PCCA: variants seen among roughly 807,000 people sequenced by gnomAD.
PCCA encodes propionyl-CoA carboxylase subunit alpha, also known as propionyl-CoA carboxylase alpha chain, mitochondrial.
A neutral mutation model predicts 101.3 loss-of-function variants in PCCA; 74 were observed. The ratio of observed to expected loss-of-function variants is 0.73; its 90% confidence interval spans 0.61 to 0.89. PCCA has a LOEUF of 0.89. PCCA is among the 40% of genes least tolerant of loss of function. The pLI is 0.00. For missense variants in PCCA, 891 were observed against 907.0 expected (o/e 0.98, Z 0.23); for synonymous variants, 294 against 313.6 (o/e 0.94, Z 0.66).
chr13:100,183,346 T>G (rs958755470), intron 6 of PCCA, among the ~76,000 whole-genome samples: 1 of 152,174 alleles, frequency 6.6e-6, no homozygotes, highest in African/African-American at 2.4e-5. Flanking sequence ...ACCTTGAAAC[T>G]TATCTAATTT....
At chr13:100,450,486 C>G (rs535790923) in intron 21 of PCCA, among the ~76,000 whole-genome samples, 3 of 152,040 alleles carry the variant, frequency 2.0e-5, no homozygotes, top group Admixed American at 6.6e-5. Flanking sequence ...CACCAGATAT[C>G]ATTTCTAATC....
At chr13:100,390,718 C>CA (rs202112541) in intron 19 of PCCA, among the ~76,000 whole-genome samples, 45 of 151,170 alleles carry the variant, frequency 3.0e-4, no homozygotes, top group African/African-American at 5.6e-4. Context: ...CATGTTAAAA[C>CA]AAAAAAAACA....
At chr13:100,521,151 G>A (rs951730316) in intron 22 of PCCA, among the ~76,000 whole-genome samples, 1 of 152,200 alleles carries the variant, frequency 6.6e-6, no homozygotes. Flanking sequence ...GGGCAGCAGG[G>A]AGTCATATTT....
At chr13:100,109,363 G>T (rs944856768) in intron 2 of PCCA, among the ~76,000 whole-genome samples, 1 of 152,148 alleles carries the variant, frequency 6.6e-6, no homozygotes, top group Non-Finnish European at 1.5e-5. Flanking sequence ...AGACTGACTC[G>T]TAATGACCAT....
chr13:100,246,332 T>C (rs931786061), intron 8 of PCCA, among the ~76,000 whole-genome samples: 1 of 152,180 alleles, frequency 6.6e-6, no homozygotes, highest in Non-Finnish European at 1.5e-5. Flanking sequence ...TTTTTTGAGA[T>C]AGAGTCTTGC....
At chr13:100,254,663 C>T (rs1013171311) in intron 8 of PCCA, among the ~76,000 whole-genome samples, 1 of 152,114 alleles carries the variant, frequency 6.6e-6, no homozygotes, top group Non-Finnish European at 1.5e-5. Flanking sequence ...CTTCAGATTT[C>T]TAAGTATTGT....
intron 7 of PCCA, among the ~76,000 whole-genome samples, chr13:100,234,097 A>G (rs1346844822): frequency 6.6e-6 from 1 of 152,198 alleles, no homozygotes; most frequent in East Asian, 1.9e-4. Flanking sequence ...TAGGTTTATT[A>G]TAATCCAGTC....
intron 4 of PCCA, among the ~76,000 whole-genome samples, chr13:100,114,689 A>C (rs559139944): frequency 6.6e-6 from 1 of 152,234 alleles, no homozygotes; most frequent in African/African-American, 2.4e-5. Context: ...GGTGCTCGAC[A>C]TTACTGATCA....
At chr13:100,306,913 G>A (rs1051028738) in intron 14 of PCCA, among the ~76,000 whole-genome samples, 1 of 152,196 alleles carries the variant, frequency 6.6e-6, no homozygotes, top group African/African-American at 2.4e-5. Flanking sequence ...CACCATCAGA[G>A]AGCCACAGCA....
Position 100,527,734 on chromosome 13 carries a change from A to G in PCCA, c.2100A>G (p.Thr700=), listed in dbSNP as rs141926030. ...CCATGAAAATGCAGAATAGTATGAC[A>G]GCTGGGAAAACTGGCACGGTGAGTC... is the stretch of plus-strand genomic sequence containing the variant. ...IEAMKMQNSM[T]AGKTGTVKSV... is the part of the protein sequence containing the mutation. The change falls in exon 23 of 24, where the codon ACA becomes ACG. Residue 700 remains threonine (T), a synonymous_variant. Coordinates refer to ENST00000376285, the MANE Select transcript of PCCA (RefSeq NM_000282.4). 3 of 1,613,638 alleles carry G rather than the reference A, an allele frequency of 1.9e-6. No individual in the cohort carries two copies. Among genetic ancestry groups the G allele is most frequent in the Non-Finnish European group, 1.7e-6 (2 of 1,179,564 alleles).
At position 100,530,105 on chromosome 13, in the gene PCCA, CT is replaced by C; in HGVS notation, c.2127del (p.Val710CysfsTer43). The C allele has an allele frequency of 1.9e-6, 3 of 1,613,870 alleles. No individual in the cohort carries two copies. The highest frequency in any genetic ancestry group is 2.5e-6 in the Non-Finnish European group (3 of 1,179,746). On this transcript the variant is annotated frameshift_variant, in exon 24 of 24. Transcript: ENST00000376285. LOFTEE classifies it high-confidence loss of function. ...CATTTTTCAAAATTCAAGGTGAAATCTGTGCACTGTCAAGCTGGAGACACAG... is the reference window on the plus strand; with the variant it reads ...CATTTTTCAAAATTCAAGGTGAAATCGTGCACTGTCAAGCTGGAGACACAG... ...MTAGKTGTVKSVHCQAGDTVG... is the reference protein window; with the variant it reads ...MTAGKTGTVKXVHCQAGDTVG...
At chr13:100,109,343 G>A (rs562129550) in intron 2 of PCCA, among the ~76,000 whole-genome samples, 2 of 152,292 alleles carry the variant, frequency 1.3e-5, no homozygotes, top group South Asian at 2.1e-4. Flanking sequence ...AGCCTGGGTG[G>A]CTTGGCTGCA....
At chr13:100,452,085 C>T (rs1315615821) in intron 21 of PCCA, among the ~76,000 whole-genome samples, 1 of 114,894 alleles carries the variant, frequency 8.7e-6, no homozygotes, top group African/African-American at 4.0e-5. Context: ...TCTCCTCTTC[C>T]TCCTCTTCCT....
At chr13:100,109,669 G>A (rs185429009) in intron 2 of PCCA, among the ~76,000 whole-genome samples, 1 of 152,338 alleles carries the variant, frequency 6.6e-6, no homozygotes, top group Admixed American at 6.5e-5. Context: ...TGAGATGTGA[G>A]CAAGGCTCTG....
At chr13:100,256,859 A>G (rs1377222605) in intron 8 of PCCA, among the ~76,000 whole-genome samples, 2 of 152,238 alleles carry the variant, frequency 1.3e-5, no homozygotes, top group Non-Finnish European at 2.9e-5. Flanking sequence ...ATCGTTGTAA[A>G]TGACTCTTGC....
chr13:100,263,902 C>A (rs1477999627), intron 10 of PCCA, among the ~76,000 whole-genome samples: 2 of 145,206 alleles, frequency 1.4e-5, no homozygotes, highest in African/African-American at 5.1e-5. Context: ...GTCATAGATA[C>A]AGTATCTGTA....
chr13:100,132,867 G>A (rs2050690908), intron 4 of PCCA, among the ~76,000 whole-genome samples: 1 of 151,958 alleles, frequency 6.6e-6, no homozygotes, highest in Admixed American at 6.6e-5. Flanking sequence ...TCCACCTCCC[G>A]GGTTCAAGCG....
At chr13:100,137,800 A>C (rs2051358599) in intron 4 of PCCA, among the ~76,000 whole-genome samples, 1 of 140,822 alleles carries the variant, frequency 7.1e-6, no homozygotes, top group South Asian at 2.4e-4. Context: ...TTGTATGTTT[A>C]AGTCTTTTTT....
chr13:100,383,036 C>G (rs971349814), intron 19 of PCCA, among the ~76,000 whole-genome samples: 3 of 152,036 alleles, frequency 2.0e-5, no homozygotes, highest in Non-Finnish European at 2.9e-5. Context: ...TAAGCCAGAA[C>G]TTGCCTCAAA....
Sources: gnomAD v4.1 joint callset for allele counts (sites outside exome capture counted in the v4.1 genomes callset) on GRCh38, gnomAD v4.1.1 for gene constraint, MANE v1.5 for transcripts, NCBI Gene and HGNC (gene_info 2026-07-23, HGNC 2026-07-21) for gene names.